The following RABGAP1L variants were observed in gnomAD, a reference collection of about 807,000 sequenced individuals.
The protein encoded by RABGAP1L is RAB GTPase activating protein 1 like.
Under a neutral mutation model 137.7 loss-of-function variants are expected in RABGAP1L, and 63 were observed. The ratio of observed to expected loss-of-function variants is 0.46; its 90% CI spans 0.37 to 0.56. The LOEUF (loss-of-function observed/expected upper bound fraction) is 0.56. Ranked by LOEUF, RABGAP1L falls within the 20% of genes least tolerant of loss-of-function variation. The pLI is 0.00. For missense variants in RABGAP1L, 1,095 were observed against 1,244.0 expected, an observed-to-expected ratio of 0.88 and a Z score of 1.80; for synonymous variants, 431 against 433.7, an observed-to-expected ratio of 0.99 and a Z score of 0.08.
In RABGAP1L at chr1:174,574,105, C is replaced by CT. The variant is rs556546337; in HGVS notation, c.1711-63267dup. Among the ~76,000 whole-genome samples the CT allele has an allele frequency of 3.4e-3, 515 of 152,272 alleles. 4 individuals are homozygous for CT. The highest frequency in any genetic ancestry group is 3.1e-3 in the Non-Finnish European group (213 of 68,014). ...GTCATTACAGCAGGTCCCCCAGGAC[C>CT]TTTCTGTTACTGGGTAGAACTTGAA... On this transcript the variant is annotated intron_variant, in intron 13 of 25. Transcript: ENST00000681986.
chr1:174,560,044 C>T (rs1054067546), intron 13 of RABGAP1L, among the ~76,000 whole-genome samples: 3 of 151,330 alleles, frequency 2.0e-5, no homozygotes, highest in Non-Finnish European at 4.4e-5. Flanking sequence ...CTGAGGCAGG[C>T]AATTGCTTCA....
chr1:174,770,827 T>C (rs910005214), intron 18 of RABGAP1L, among the ~76,000 whole-genome samples: 14 of 152,012 alleles, frequency 9.2e-5, no homozygotes, highest in African/African-American at 3.4e-4. Context: ...CCTGTGATGG[T>C]TAGTTAGTTC....
intron 11 of RABGAP1L, among the ~76,000 whole-genome samples, chr1:174,307,544 G>A (rs1209923985): frequency 6.6e-6 from 1 of 151,954 alleles, no homozygotes; most frequent in Non-Finnish European, 1.5e-5. Flanking sequence ...CATATAAATG[G>A]AATCATACAA....
intron 16 of RABGAP1L, among the ~76,000 whole-genome samples, chr1:174,700,088 A>G (rs1216722355): frequency 6.6e-6 from 1 of 152,246 alleles, no homozygotes; most frequent in Non-Finnish European, 1.5e-5. Flanking sequence ...AAAATACTGT[A>G]GGGATACATT....
rs1395580636 is a variant in RABGAP1L, at chr1:174,380,976, C to G, written c.1559+9904C>G. Among the ~76,000 whole-genome samples the G allele has an allele frequency of 4.4e-5, 5 of 114,118 alleles. No homozygotes were observed. The East Asian group carries it at 9.3e-4, about 21-fold the overall frequency. 74.9% of individuals were successfully genotyped at this position (114,118 alleles called of 152,430 possible). On this transcript the variant is annotated intron_variant, in intron 12 of 25. Transcript: ENST00000681986. ...CTGCTTTGAATGCGTCCCAGAGATT[C>G]TGGTATGTGGTGTCTTTGTTCTCGT...
chr1:174,535,114 T>G (rs1480605319), intron 13 of RABGAP1L, among the ~76,000 whole-genome samples: 1 of 152,234 alleles, frequency 6.6e-6, no homozygotes, highest in Non-Finnish European at 1.5e-5. Context: ...ATTGTTTTGT[T>G]TTCTTGATCT....
At chr1:174,824,384 A>G (rs556786178) in intron 19 of RABGAP1L, among the ~76,000 whole-genome samples, 3 of 152,186 alleles carry the variant, frequency 2.0e-5, no homozygotes, top group East Asian at 3.9e-4. Flanking sequence ...AGTCCCAGCT[A>G]CTTGGGAGGC....
At chr1:174,268,402 A>T (rs1213803071) in intron 7 of RABGAP1L, among the ~76,000 whole-genome samples, 1 of 151,884 alleles carries the variant, frequency 6.6e-6, no homozygotes, top group Non-Finnish European at 1.5e-5. Flanking sequence ...CGGAGGTTTC[A>T]CCATGTTAGC....
chr1:174,954,984 A>G (rs544160028), intron 19 of RABGAP1L, among the ~76,000 whole-genome samples: 54 of 152,346 alleles, frequency 3.5e-4, no homozygotes, highest in African/African-American at 1.2e-3. Flanking sequence ...TGAGACTGCT[A>G]TCAAAGCCAA....
At chr1:174,615,784 G>T (rs1427435210) in intron 13 of RABGAP1L, among the ~76,000 whole-genome samples, 1 of 152,190 alleles carries the variant, frequency 6.6e-6, no homozygotes, top group Admixed American at 6.5e-5. Flanking sequence ...GGGCAATGGT[G>T]GGCGCCCCTC....
chr1:174,342,065 G>A lies in RABGAP1L; in HGVS notation c.1466-28914G>A, dbSNP rs1466681688. 5.3e-5 allele frequency among the ~76,000 whole-genome samples: 8 copies of A among 152,144 alleles called. No individual in the cohort carries two copies. In the South Asian group the frequency reaches 6.2e-4, roughly 12 times the overall value. On this transcript the variant is annotated intron_variant, in intron 11 of 25. Coordinates refer to ENST00000681986, the MANE Select transcript of RABGAP1L (RefSeq NM_001366446.1). ...ATTTTCCTAGGTGGTTCAGTAAAGC[G>A]TGTGTTTTAAAAGATTGTCTAGATG... is the stretch of plus-strand genomic sequence containing the variant.
At chr1:174,318,218 A>G (rs933104742) in intron 11 of RABGAP1L, among the ~76,000 whole-genome samples, 1 of 152,032 alleles carries the variant, frequency 6.6e-6, no homozygotes, top group African/African-American at 2.4e-5. Context: ...TCTATTCCCT[A>G]TCTTCCTCCA....
chr1:174,810,463 C>T (rs533082052), intron 18 of RABGAP1L, among the ~76,000 whole-genome samples: 15 of 152,136 alleles, frequency 9.9e-5, no homozygotes, highest in African/African-American at 3.1e-4. Context: ...GTGGTGATGA[C>T]GAAAACTGAG....
At chr1:174,223,293 A>AT (rs71117558) in intron 3 of RABGAP1L, among the ~76,000 whole-genome samples, 16 of 147,736 alleles carry the variant, frequency 1.1e-4, no homozygotes, top group Non-Finnish European at 2.1e-4. Context: ...AAAAAAAAAA[A>AT]TTAGCTGGGC....
At chr1:174,230,189 T>C (rs1332480727) in intron 3 of RABGAP1L, among the ~76,000 whole-genome samples, 2 of 146,136 alleles carry the variant, frequency 1.4e-5, no homozygotes, top group African/African-American at 2.6e-5. Flanking sequence ...TAGGTGGGAA[T>C]TGAACTATGA....
intron 13 of RABGAP1L, among the ~76,000 whole-genome samples, chr1:174,442,658 T>C (rs1004861984): frequency 6.6e-6 from 1 of 152,310 alleles, no homozygotes; most frequent in African/African-American, 2.4e-5. Context: ...GATACATGCA[T>C]ACAATGTGTA....
intron 13 of RABGAP1L, among the ~76,000 whole-genome samples, chr1:174,463,631 T>A (rs1235785691): frequency 6.6e-6 from 1 of 151,990 alleles, no homozygotes; most frequent in East Asian, 1.9e-4. Context: ...CTGTACATTG[T>A]GCACATGTAC....
chr1:174,457,452 C>T (rs1028319746), intron 13 of RABGAP1L, among the ~76,000 whole-genome samples: 1 of 149,190 alleles, frequency 6.7e-6, no homozygotes, highest in Admixed American at 6.7e-5. Flanking sequence ...GCACATAGGA[C>T]ATGTTCTACC....
intron 12 of RABGAP1L, among the ~76,000 whole-genome samples, chr1:174,376,415 G>T (rs1350493631): frequency 6.6e-6 from 1 of 152,114 alleles, no homozygotes; most frequent in Non-Finnish European, 1.5e-5. Flanking sequence ...TGTCCCTCAT[G>T]GATATAGACT....
Sources: allele counts gnomAD v4.1 joint callset (sites outside exome capture counted in the v4.1 genomes callset), GRCh38; gene constraint gnomAD v4.1.1; transcripts MANE v1.5; gene names NCBI Gene and HGNC (gene_info 2026-07-23, HGNC 2026-07-21).